DET1: variants seen among roughly 807,000 people sequenced by gnomAD.
DET1 encodes the protein DET1 partner of COP1 E3 ubiquitin ligase.
Under a neutral mutation model 43.7 loss-of-function variants are expected in DET1, and 22 were observed. The observed-to-expected ratio is 0.50, with a 90% CI of 0.36 to 0.72. DET1 has a LOEUF of 0.72. DET1 is among the 30% of genes least tolerant of loss of function. The pLI is 0.00. For missense variants in DET1, 713 were observed against 713.3 expected, an observed-to-expected ratio of 1.00 and a Z score of 0.00; for synonymous variants, 315 against 266.2, an observed-to-expected ratio of 1.18 and a Z score of -1.79.
At chr15:88,523,626 A>G (rs2056566109) in intron 3 of DET1, among the ~76,000 whole-genome samples, 1 of 152,138 alleles carries the variant, frequency 6.6e-6, no homozygotes, top group African/African-American at 2.4e-5. Context: ...TTTTTGGCAG[A>G]GACGGGGTTT....
At chr15:88,532,988 C>T (rs373305885) in intron 1 of DET1, among the ~76,000 whole-genome samples, 64 of 152,142 alleles carry the variant, frequency 4.2e-4, no homozygotes, top group African/African-American at 8.0e-4. Context: ...CACAATCAAC[C>T]GAGTGAAAGG....
At chr15:88,525,998 T>A (rs2142293902) in intron 3 of DET1, among the ~76,000 whole-genome samples, 1 of 152,192 alleles carries the variant, frequency 6.6e-6, no homozygotes, top group Non-Finnish European at 1.5e-5. Flanking sequence ...ATTATCTGCT[T>A]AATTTTGAAG....
At chr15:88,541,312 T>A (rs1567075688) in intron 1 of DET1, among the ~76,000 whole-genome samples, 3 of 151,952 alleles carry the variant, frequency 2.0e-5, no homozygotes, top group Admixed American at 1.3e-4. Flanking sequence ...CCCTGACACA[T>A]CCTCCTCTTT....
intron 4 of DET1, among the ~76,000 whole-genome samples, chr15:88,515,264 G>T (rs539622165): frequency 2.8e-4 from 42 of 152,222 alleles, no homozygotes; most frequent in African/African-American, 9.1e-4. Context: ...GACTGGCCAG[G>T]CACGGTGGCT....
chr15:88,516,927 CCT>C lies in DET1; in HGVS notation c.1316_1317del (p.Glu439GlyfsTer19). The C allele has an allele frequency of 6.2e-7, 1 of 1,607,742 alleles. No homozygotes were observed. Among genetic ancestry groups the C allele is most frequent in the Non-Finnish European group, 8.5e-7 (1 of 1,177,090 alleles). ...AGCTGACCCAGCAGCCGGCGTACTGCCTCTGTGTGCCCTCCATACTTGGCATT... is the reference window on the plus strand; with the variant it reads ...AGCTGACCCAGCAGCCGGCGTACTGCCTGTGTGCCCTCCATACTTGGCATT... ...IINAKYGGHT[E>X]AVRRLLGQLP... On this transcript the variant is annotated frameshift_variant, in exon 4 of 5. Transcript: ENST00000268148. LOFTEE classifies it high-confidence loss of function. This position sits in a 1 kb window ranked among gnomAD's most constrained non-coding sequence, Gnocchi z 4.4.
chr15:88,531,087 G>A lies in DET1; in HGVS notation c.619C>T (p.Arg207Cys), dbSNP rs78986720. The A allele has an allele frequency of 3.6e-5, 58 of 1,613,994 alleles. No individual in the cohort carries two copies. The highest frequency in any genetic ancestry group is 1.2e-4 in the African/African-American group (9 of 75,038). Residue 207 changes from arginine to cysteine, a missense_variant, in exon 2 of 5, where the codon CGC becomes TGC. By Grantham distance (180) the Arg-to-Cys change is radical. Transcript: ENST00000268148. The surrounding 1 kb of genome is among the most constrained non-coding windows in gnomAD (Gnocchi z 6.2). ...ACCACCTTGTCACACTTGAACGTGC[G>A]TGTATCACATAAGCGGCCGGTGTGA... ...DLHTGRLCDT[R>C]TFKCDKVVLS...
At chr15:88,523,833 G>A (rs1279682398) in intron 3 of DET1, among the ~76,000 whole-genome samples, 2 of 152,162 alleles carry the variant, frequency 1.3e-5, no homozygotes, top group African/African-American at 2.4e-5. Context: ...CCAAAGTGCC[G>A]AGATTGCAGC....
At chr15:88,542,815 G>A (rs1389887462) in intron 1 of DET1, among the ~76,000 whole-genome samples, 1 of 151,978 alleles carries the variant, frequency 6.6e-6, no homozygotes, top group Non-Finnish European at 1.5e-5. Context: ...TAAAAGAGGT[G>A]AACAGGCCTC....
At chr15:88,507,739 T>C (rs1358621514), downstream of DET1, among the ~76,000 whole-genome samples, 1 of 152,182 alleles carries the variant, frequency 6.6e-6, no homozygotes, top group Non-Finnish European at 1.5e-5. Context: ...TCAAAAAGAA[T>C]CCACCTTAGG....
intron 1 of DET1, among the ~76,000 whole-genome samples, chr15:88,539,293 C>T (rs189616561): frequency 1.3e-5 from 2 of 151,902 alleles, no homozygotes; most frequent in East Asian, 1.9e-4. Flanking sequence ...CTGGGGCGAC[C>T]TCACAAGGCT....
intron 1 of DET1, among the ~76,000 whole-genome samples, chr15:88,542,559 A>C (rs1449345809): frequency 6.6e-6 from 1 of 152,190 alleles, no homozygotes; most frequent in African/African-American, 2.4e-5. Context: ...ACATTAAGAG[A>C]AAGCTCCAGA....
At chr15:88,540,670 T>G (rs975347438) in intron 1 of DET1, among the ~76,000 whole-genome samples, 67 of 148,526 alleles carry the variant, frequency 4.5e-4, no homozygotes, top group Non-Finnish European at 1.2e-4. Flanking sequence ...ATTCTGTTAA[T>G]CTATGACCTT....
intron 2 of DET1, among the ~76,000 whole-genome samples, 187 bp from the exon 3 acceptor site, chr15:88,527,973 C>T (rs1362415013): frequency 6.6e-6 from 1 of 152,168 alleles, no homozygotes; most frequent in African/African-American, 2.4e-5. Flanking sequence ...CCAAGTGGTT[C>T]TGGGAAAATA....
At chr15:88,541,261 C>A (rs185758136) in intron 1 of DET1, among the ~76,000 whole-genome samples, 2 of 151,330 alleles carry the variant, frequency 1.3e-5, no homozygotes, top group African/African-American at 4.9e-5. Flanking sequence ...CCTTTGTTCA[C>A]GTGTTTGTCT....
rs1369559735 is a variant in DET1 at position 88,512,734 on chromosome 15, A to G, written c.*217T>C. The G allele has an allele frequency of 7.8e-7, 1 of 1,276,834 alleles. No homozygotes were observed. Among genetic ancestry groups the G allele is most frequent in the African/African-American group, 1.5e-5 (1 of 66,238 alleles). The allele number at this position is 1,276,834 out of a possible 1,614,324, so 79.1% of individuals were successfully genotyped here. ...CTGGGCATTCCCACAGGGAAAACGC[A>G]AGAGGATATTATAACAATCAGTAGC... On this transcript the variant is annotated 3_prime_UTR_variant, in exon 5 of 5. Transcript: ENST00000268148.
At position 88,545,207 on chromosome 15, in the gene DET1, C is replaced by T. The variant is rs114999637; in HGVS notation, c.-11+1333G>A. On this transcript the variant is annotated intron_variant, in intron 1 of 4. Transcript: ENST00000268148. ...TTGTAATCCTCTTACAATAATATTA[C>T]GGCATGTCATGGAAATTAACATTTT... 3.8e-3 allele frequency among the ~76,000 whole-genome samples: 582 copies of T among 152,170 alleles called. 3 individuals are homozygous for T. Among genetic ancestry groups the T allele is most frequent in the African/African-American group, 0.013 (555 of 41,506 alleles).
chr15:88,513,154 GGACAGA>G lies in DET1; in HGVS notation c.1464-20_1464-15del, dbSNP rs2056239559. Reference sequence around the variant, plus strand: ...CGGGCATAGAACCTAAAAAGAACAAGGACAGAGACAGAGAAAGAGGGGACAGGATTG... The same window carrying G: ...CGGGCATAGAACCTAAAAAGAACAAGGACAGAGAAAGAGGGGACAGGATTG... On this transcript the variant is annotated splice_polypyrimidine_tract_variant and intron_variant, in intron 4 of 4. Transcript: ENST00000268148. 1.9e-6 allele frequency: 3 copies of G among 1,595,500 alleles called. No homozygotes were observed. Among genetic ancestry groups the G allele is most frequent in the Non-Finnish European group, 2.6e-6 (3 of 1,169,422 alleles).
At chr15:88,533,566 T>C (rs1406702389) in intron 1 of DET1, among the ~76,000 whole-genome samples, 3 of 152,050 alleles carry the variant, frequency 2.0e-5, no homozygotes, top group East Asian at 3.9e-4. Flanking sequence ...ATAAACAAAA[T>C]ATGGTATATA....
downstream of DET1, among the ~76,000 whole-genome samples, chr15:88,509,324 G>T (rs561889691): frequency 7.9e-5 from 12 of 152,172 alleles, no homozygotes; most frequent in Non-Finnish European, 1.6e-4. Flanking sequence ...CCTACTGAAG[G>T]AGGGGTTTTG....
Sources: gnomAD v4.1 joint callset for allele counts (sites outside exome capture counted in the v4.1 genomes callset) on GRCh38, gnomAD v4.1.1 for gene constraint, Gnocchi (gnomAD v3.1) non-coding constraint, MANE v1.5 for transcripts, NCBI Gene and HGNC (gene_info 2026-07-23, HGNC 2026-07-21) for gene names.